The following SCN11A variants were observed in gnomAD, a reference collection of about 807,000 sequenced individuals.
SCN11A encodes the protein sodium voltage-gated channel alpha subunit 11, also known as sodium channel protein type 11 subunit alpha.
A neutral mutation model predicts 162.2 loss-of-function variants in SCN11A; 122 were observed. The observed-to-expected ratio is 0.75, with a 90% CI of 0.65 to 0.87. The LOEUF (loss-of-function observed/expected upper bound fraction) is 0.87, where lower values mean the gene tolerates loss of function less well. Ranked by LOEUF, SCN11A falls within the 40% of genes least tolerant of loss-of-function variation. The pLI is 0.00. For missense variants in SCN11A, 2,015 were observed against 2,181.6 expected, an observed-to-expected ratio of 0.92 and a Z score of 1.52; for synonymous variants, 758 against 751.5, an observed-to-expected ratio of 1.01 and a Z score of -0.14.
At chr3:39,046,581 A>T (rs940817065) in intron 1 of SCN11A, among the ~76,000 whole-genome samples, 4 of 152,170 alleles carry the variant, frequency 2.6e-5, no homozygotes, top group Non-Finnish European at 4.4e-5. Context: ...AAAAAGAACA[A>T]AATTGGAGGC....
intron 14 of SCN11A, among the ~76,000 whole-genome samples, chr3:38,906,176 A>G (rs1356563456): frequency 6.6e-6 from 1 of 152,140 alleles, no homozygotes; most frequent in African/African-American, 2.4e-5. Context: ...TCAGGCATAC[A>G]TATCCACCTT....
chr3:38,909,971 A>C, intron 12 of SCN11A, 95 bp downstream of exon 12: 1 of 1,204,238 alleles, frequency 8.3e-7, no homozygotes, highest in East Asian at 2.5e-5. Context: ...AATGGTAGTT[A>C]TAAATAAATG....
In SCN11A at chr3:39,051,911, C is replaced by T. The variant is rs2032399944; in HGVS notation, c.-454G>A. ...AGCAACTAACAGCACCGAGGAAACA[C>T]AACAGCCTGTTTACCTTCAGCCCCG... On this transcript the variant is annotated 5_prime_UTR_variant, in exon 1 of 30. It adds an upstream start codon to the 5' untranslated region. Transcript: ENST00000302328. The T allele has an allele frequency of 7.5e-7, 1 of 1,325,026 alleles. No individual in the cohort carries two copies. The allele number at this position is 1,325,026 out of a possible 1,614,324, so 82.1% of individuals were successfully genotyped here.
At chr3:38,907,402 AC>A (rs1411406264) in intron 14 of SCN11A, among the ~76,000 whole-genome samples, 1 of 147,998 alleles carries the variant, frequency 6.8e-6, no homozygotes, top group Non-Finnish European at 1.5e-5. Flanking sequence ...TGATGCCCTT[AC>A]TTTGGAAGGA....
intron 2 of SCN11A, among the ~76,000 whole-genome samples, chr3:39,012,486 CTTT>C (rs112265845): frequency 8.2e-6 from 1 of 121,358 alleles, no homozygotes; most frequent in Non-Finnish European, 1.7e-5. Flanking sequence ...TTCTCTCTTT[CTTT>C]TTTTTTTTTT....
At chr3:38,910,730 T>C (rs571483509) in intron 11 of SCN11A, among the ~76,000 whole-genome samples, 10 of 152,304 alleles carry the variant, frequency 6.6e-5, no homozygotes, top group Non-Finnish European at 1.2e-4. Flanking sequence ...TTCATGTCTA[T>C]AGTTCTATGA....
Position 38,919,878 on chromosome 3 carries a change from A to T in SCN11A, c.959+57T>A. On this transcript the variant is annotated intron_variant, in intron 11 of 29. Transcript: ENST00000302328. ...GTCATTAAAGACTGTTTGCCACACC[A>T]TTCTAAAAGGTCTAGAGGTACTCTT... 2.4e-6 allele frequency: 3 copies of T among 1,273,688 alleles called. No individual in the cohort carries two copies. The South Asian group carries it at 3.6e-5, about 15-fold the overall frequency. The allele number at this position is 1,273,688 out of a possible 1,614,324, so 78.9% of individuals were successfully genotyped here.
At chr3:38,971,990 T>A (rs1375295423) in intron 2 of SCN11A, among the ~76,000 whole-genome samples, 1 of 152,048 alleles carries the variant, frequency 6.6e-6, no homozygotes, top group Admixed American at 6.6e-5. Context: ...GAAGAAGCAC[T>A]CACTAAAAGC....
At chr3:39,036,510 C>T (rs1224026348) in intron 1 of SCN11A, among the ~76,000 whole-genome samples, 5 of 152,098 alleles carry the variant, frequency 3.3e-5, no homozygotes, top group African/African-American at 9.7e-5. Flanking sequence ...AGTGGGATCA[C>T]GTCAAGCTAA....
chr3:39,034,641 G>A (rs928513463), intron 1 of SCN11A, among the ~76,000 whole-genome samples: 5 of 152,078 alleles, frequency 3.3e-5, no homozygotes, highest in African/African-American at 1.2e-4. Context: ...TAAATAAAAG[G>A]CATACAAATT....
intron 4 of SCN11A, among the ~76,000 whole-genome samples, chr3:38,952,488 G>A (rs2125579516): frequency 6.6e-6 from 1 of 152,272 alleles, no homozygotes; most frequent in East Asian, 1.9e-4. Flanking sequence ...ACAATTATAT[G>A]CCCTGTGTCT....
At chr3:38,987,615 G>A (rs555966414) in intron 2 of SCN11A, among the ~76,000 whole-genome samples, 1 of 151,884 alleles carries the variant, frequency 6.6e-6, no homozygotes, top group East Asian at 1.9e-4. Flanking sequence ...ACCTGAAGGG[G>A]TCTAACTTCA....
At chr3:38,976,363 C>A (rs1401095873) in intron 2 of SCN11A, among the ~76,000 whole-genome samples, 1 of 152,154 alleles carries the variant, frequency 6.6e-6, no homozygotes, top group Non-Finnish European at 1.5e-5. Context: ...TTGAATGCAG[C>A]AGACTTAAGG....
At chr3:38,913,370 A>C (rs2125541022) in intron 11 of SCN11A, among the ~76,000 whole-genome samples, 1 of 152,300 alleles carries the variant, frequency 6.6e-6, no homozygotes, top group South Asian at 2.1e-4. Context: ...TAGATGCTGA[A>C]TATCAGACCT....
In SCN11A at chr3:38,996,201, A is replaced by C. The variant is rs2030627028; in HGVS notation, c.-279-35778T>G. 2.0e-5 allele frequency among the ~76,000 whole-genome samples: 3 copies of C among 152,310 alleles called. No individual in the cohort carries two copies. In the South Asian group the frequency reaches 6.2e-4, roughly 32 times the overall value. ...TCCCACCTGTGATATTTTGTCATAG[A>C]AGCCTACTCTTAGACACATATAAAT... On this transcript the variant is annotated intron_variant, in intron 2 of 29. Transcript: ENST00000302328.
At chr3:38,918,237 GA>G (rs1330020253) in intron 11 of SCN11A, among the ~76,000 whole-genome samples, 1 of 152,144 alleles carries the variant, frequency 6.6e-6, no homozygotes, top group Non-Finnish European at 1.5e-5. Flanking sequence ...AGGGGTAAAA[GA>G]AGTGCTATAT....
At chr3:38,910,649 G>T (rs1010847406) in intron 11 of SCN11A, among the ~76,000 whole-genome samples, 28 of 152,008 alleles carry the variant, frequency 1.8e-4, no homozygotes, top group African/African-American at 6.7e-4. Flanking sequence ...CCTGCACCTT[G>T]CTTTTTTTAA....
chr3:38,980,859 T>C (rs1347982466), intron 2 of SCN11A, among the ~76,000 whole-genome samples: 1 of 152,208 alleles, frequency 6.6e-6, no homozygotes, highest in African/African-American at 2.4e-5. Context: ...ACCAGAGATT[T>C]ACTTACTGGG....
At chr3:39,034,246 C>G (rs528535090) in intron 1 of SCN11A, among the ~76,000 whole-genome samples, 1 of 152,032 alleles carries the variant, frequency 6.6e-6, no homozygotes, top group Admixed American at 6.6e-5. Context: ...TTAAAAAGAT[C>G]GTTCATTATG....
Sources: gnomAD v4.1 joint callset for allele counts (sites outside exome capture counted in the v4.1 genomes callset) on GRCh38, gnomAD v4.1.1 for gene constraint, MANE v1.5 for transcripts, NCBI Gene and HGNC (gene_info 2026-07-23, HGNC 2026-07-21) for gene names.